The following TCF7L1 variants were observed in gnomAD, a reference collection of about 807,000 sequenced individuals.
TCF7L1 encodes the protein transcription factor 7-like 1.
In TCF7L1, 18 loss-of-function variants were observed where a neutral mutation model predicts 63.7. The ratio of observed to expected loss-of-function variants is 0.28; its 90% CI spans 0.20 to 0.42. TCF7L1 has a LOEUF of 0.42. TCF7L1 is among the 10% of genes least tolerant of loss of function. TCF7L1 has a pLI of 1.00. For missense variants in TCF7L1, 654 were observed against 779.3 expected, an observed-to-expected ratio of 0.84 and a Z score of 1.91; for synonymous variants, 355 against 340.9, an observed-to-expected ratio of 1.04 and a Z score of -0.46.
chr2:85,204,499 A>G (rs535124514), intron 3 of TCF7L1, among the ~76,000 whole-genome samples: 1 of 152,268 alleles, frequency 6.6e-6, no homozygotes, highest in African/African-American at 2.4e-5. Flanking sequence ...TCTCCAGCAT[A>G]GATTGCTAGT....
At chr2:85,159,021 T>A (rs192964562) in intron 3 of TCF7L1, among the ~76,000 whole-genome samples, 192 of 152,362 alleles carry the variant, frequency 1.3e-3, no homozygotes, top group African/African-American at 4.5e-3. Flanking sequence ...CAGAGTTGGC[T>A]GCGAGGATGT....
At chr2:85,221,948 A>G (rs566032651) in intron 3 of TCF7L1, among the ~76,000 whole-genome samples, 2 of 150,840 alleles carry the variant, frequency 1.3e-5, no homozygotes, top group South Asian at 2.1e-4. Flanking sequence ...AAAAAAAACT[A>G]CAGGAACAAT....
At chr2:85,308,243 G>A (rs181330168) in intron 11 of TCF7L1, among the ~76,000 whole-genome samples, 20 of 152,160 alleles carry the variant, frequency 1.3e-4, no homozygotes, top group South Asian at 1.0e-3. Flanking sequence ...ACACTGTGAC[G>A]ATTATTATTA....
chr2:85,308,654 T>C (rs1288730392), intron 11 of TCF7L1, among the ~76,000 whole-genome samples: 1 of 151,840 alleles, frequency 6.6e-6, no homozygotes, highest in Non-Finnish European at 1.5e-5. Flanking sequence ...GAACCCGCTG[T>C]CTGGCACGCT....
intron 3 of TCF7L1, among the ~76,000 whole-genome samples, chr2:85,204,291 T>TTCA (rs1491359190): frequency 4.5e-5 from 1 of 22,022 alleles, no homozygotes. Context: ...ATAACTTGCT[T>TTCA]CCCCCCCCCC....
At chr2:85,135,879 T>TCTA (rs1164356932) in intron 3 of TCF7L1, among the ~76,000 whole-genome samples, 1 of 147,400 alleles carries the variant, frequency 6.8e-6, no homozygotes, top group African/African-American at 2.5e-5. Flanking sequence ...TGGATGTGGG[T>TCTA]CTATGGCTGT....
chr2:85,166,082 A>T (rs1678411031), intron 3 of TCF7L1, among the ~76,000 whole-genome samples: 1 of 152,212 alleles, frequency 6.6e-6, no homozygotes, highest in African/African-American at 2.4e-5. Flanking sequence ...AGTTTGCATC[A>T]GTTCTGTTAA....
chr2:85,134,207 C>T lies in TCF7L1; in HGVS notation c.314-116C>T. On this transcript the variant is annotated intron_variant, in intron 2 of 11. Coordinates refer to ENST00000282111, the MANE Select transcript of TCF7L1 (RefSeq NM_031283.3). This position sits in a 1 kb window ranked among gnomAD's most constrained non-coding sequence, Gnocchi z 5.0. ...GCCCTCCGCCTTTATTGGCGGCAGC[C>T]CCCGTGGGGCGCGCGTGGGGGGCGC... The T allele has an allele frequency of 1.4e-6, 2 of 1,479,146 alleles. No homozygotes were observed. Among genetic ancestry groups the T allele is most frequent in the South Asian group, 1.4e-5 (1 of 73,060 alleles). 91.6% of individuals were successfully genotyped at this position (1,479,146 alleles called of 1,614,324 possible). A position where few individuals can be genotyped will look rare whatever the true frequency, so the allele number is the denominator to read the frequency against.
chr2:85,216,231 A>G (rs1024315166), intron 3 of TCF7L1, among the ~76,000 whole-genome samples: 1 of 152,180 alleles, frequency 6.6e-6, no homozygotes, highest in Non-Finnish European at 1.5e-5. Flanking sequence ...CTGCCTGCCC[A>G]GCCTTTCCTT....
chr2:85,208,014 C>T (rs1018460701), intron 3 of TCF7L1, among the ~76,000 whole-genome samples: 3 of 152,114 alleles, frequency 2.0e-5, no homozygotes, highest in African/African-American at 7.2e-5. Context: ...TCACGCCATT[C>T]TCCTGCCTCA....
intron 4 of TCF7L1, among the ~76,000 whole-genome samples, chr2:85,291,521 G>A (rs893194785): frequency 6.6e-6 from 1 of 151,946 alleles, no homozygotes; most frequent in African/African-American, 2.4e-5. Flanking sequence ...CCATATTTTT[G>A]GGGTTTTGTT....
intron 3 of TCF7L1, among the ~76,000 whole-genome samples, chr2:85,168,706 C>T (rs1372433847): frequency 6.6e-6 from 1 of 152,106 alleles, no homozygotes; most frequent in Admixed American, 6.5e-5. Context: ...ACTGCAACCT[C>T]CGCCTCCCGG....
At chr2:85,304,482 C>A in intron 7 of TCF7L1, 144 bp downstream of exon 7, 2 of 742,788 alleles carry the variant, frequency 2.7e-6, no homozygotes, top group South Asian at 1.9e-5. Flanking sequence ...CATCTTCTCA[C>A]GTCCCGCGCT....
At chr2:85,244,956 G>A (rs1297887640) in intron 3 of TCF7L1, among the ~76,000 whole-genome samples, 1 of 152,156 alleles carries the variant, frequency 6.6e-6, no homozygotes, top group Non-Finnish European at 1.5e-5. Flanking sequence ...AAGGAGGGGA[G>A]TGTACGAAGG....
At chr2:85,148,831 T>C (rs1677940027) in intron 3 of TCF7L1, among the ~76,000 whole-genome samples, 1 of 146,948 alleles carries the variant, frequency 6.8e-6, no homozygotes, top group African/African-American at 2.5e-5. Context: ...TGAAGTGAAG[T>C]GGCGCGATCT....
chr2:85,299,872 C>CACACACACACACACACACACACAT (rs1681929519), intron 4 of TCF7L1, among the ~76,000 whole-genome samples: 2 of 137,892 alleles, frequency 1.5e-5, no homozygotes, highest in Non-Finnish European at 3.1e-5. Context: ...CACACACACA[C>CACACACACACACACACACACACAT]ACACACACAC....
At chr2:85,165,499 A>AGTTACTTGCCTTGAGAC (rs1244882937) in intron 3 of TCF7L1, among the ~76,000 whole-genome samples, 1 of 152,176 alleles carries the variant, frequency 6.6e-6, no homozygotes, top group African/African-American at 2.4e-5. Flanking sequence ...CTCCTTCCAG[A>AGTTACTTGCCTTGAGAC]GTTACTTGCC....
In TCF7L1 at chr2:85,133,982, C is replaced by T. The variant is rs910146168; in HGVS notation, c.250-34C>T. 22 of 1,596,982 alleles carry T rather than the reference C, an allele frequency of 1.4e-5. No homozygotes were observed. The African/African-American group carries it at 1.5e-4, about 11-fold the overall frequency. On this transcript the variant is annotated intron_variant, in intron 1 of 11. Coordinates refer to ENST00000282111, the MANE Select transcript of TCF7L1 (RefSeq NM_031283.3). This position sits in a 1 kb window ranked among gnomAD's most constrained non-coding sequence, Gnocchi z 4.4. ...CCGGGGGATCCCGGCCCTGCGTCCGCTCACCCGCTCTTGCCTTTGTGTCTC... is the reference window on the plus strand; with the variant it reads ...CCGGGGGATCCCGGCCCTGCGTCCGTTCACCCGCTCTTGCCTTTGTGTCTC...
chr2:85,176,936 G>A (rs1206325109), intron 3 of TCF7L1, among the ~76,000 whole-genome samples: 1 of 144,744 alleles, frequency 6.9e-6, no homozygotes, highest in African/African-American at 2.6e-5. Context: ...TCAGTGAGCC[G>A]AGATCGCACC....
Sources: gnomAD v4.1 joint callset for allele counts (sites outside exome capture counted in the v4.1 genomes callset) on GRCh38, gnomAD v4.1.1 for gene constraint, Gnocchi (gnomAD v3.1) non-coding constraint, MANE v1.5 for transcripts, NCBI Gene and HGNC (gene_info 2026-07-23, HGNC 2026-07-21) for gene names.